The following SNX2 variants were observed in gnomAD, a reference collection of about 807,000 sequenced individuals.
SNX2 encodes the protein sorting nexin 2.
A neutral mutation model predicts 69.9 loss-of-function variants in SNX2; 25 were observed. That is an observed-to-expected ratio of 0.36 (90% CI 0.26 to 0.50). The LOEUF (loss-of-function observed/expected upper bound fraction) is 0.50. Ranked by LOEUF, SNX2 falls within the 20% of genes least tolerant of loss-of-function variation. SNX2 has a pLI of 0.97. For missense variants in SNX2, 551 were observed against 613.3 expected (o/e 0.90, Z 1.07); for synonymous variants, 229 against 200.4 (o/e 1.14, Z -1.20).
chr5:122,788,130 A>G (rs1390908324), intron 1 of SNX2, among the ~76,000 whole-genome samples: 1 of 152,192 alleles, frequency 6.6e-6, no homozygotes, highest in East Asian at 1.9e-4. Context: ...TTTCACCTTC[A>G]ATCCTGGAGG....
In SNX2 at chr5:122,831,822, T is replaced by G. The variant is rs1022479280; in HGVS notation, c.*2174T>G. ...AGATGTGGTACATTAGAATATTCAG[T>G]ACCTCCAAGTAAAATAATAAATATT... is the stretch of plus-strand genomic sequence containing the variant. On this transcript the variant is annotated 3_prime_UTR_variant, in exon 15 of 15. Coordinates refer to ENST00000379516, the MANE Select transcript of SNX2 (RefSeq NM_003100.4). Among the ~76,000 whole-genome samples, 18 of 152,214 alleles carry G rather than the reference T, an allele frequency of 1.2e-4. No individual in the cohort carries two copies. The highest frequency in any genetic ancestry group is 2.6e-4 in the Admixed American group (4 of 15,272).
intron 11 of SNX2, among the ~76,000 whole-genome samples, chr5:122,822,499 A>G (rs1754046721): frequency 1.3e-5 from 2 of 152,134 alleles, no homozygotes; most frequent in East Asian, 3.8e-4. Context: ...ATCCATATCG[A>G]GCGTACTTTT....
intron 7 of SNX2, among the ~76,000 whole-genome samples, chr5:122,811,858 T>TAAATAAAA (rs1159956658): frequency 1.2e-4 from 15 of 129,692 alleles, no homozygotes; most frequent in South Asian, 1.1e-3. Flanking sequence ...AATAAATAAA[T>TAAATAAAA]AAAATGTAGT....
chr5:122,820,817 T>G (rs1392516648), intron 11 of SNX2, among the ~76,000 whole-genome samples: 1 of 152,222 alleles, frequency 6.6e-6, no homozygotes, highest in Non-Finnish European at 1.5e-5. Context: ...GAATGCCTTT[T>G]AAAAGCTCAG....
intron 1 of SNX2, among the ~76,000 whole-genome samples, chr5:122,783,607 G>C (rs1306520623): frequency 6.6e-6 from 1 of 152,052 alleles, no homozygotes; most frequent in Non-Finnish European, 1.5e-5. Flanking sequence ...ATATATGTGG[G>C]TTGACCTATT....
intron 6 of SNX2, among the ~76,000 whole-genome samples, chr5:122,804,552 A>G (rs551346819): frequency 2.9e-4 from 44 of 151,958 alleles, no homozygotes; most frequent in Admixed American, 5.9e-4. Context: ...TATCCTTAGT[A>G]TAGACGGGGT....
At chr5:122,777,424 A>T (rs1752880162) in intron 1 of SNX2, among the ~76,000 whole-genome samples, 1 of 152,242 alleles carries the variant, frequency 6.6e-6, no homozygotes, top group Non-Finnish European at 1.5e-5. Flanking sequence ...ATAGATCATC[A>T]GGCTTGAATA....
chr5:122,815,823 A>G (rs113902330), intron 7 of SNX2, 73 bp from the exon 8 acceptor site: 35 of 778,382 alleles, frequency 4.5e-5, no homozygotes, highest in African/African-American at 3.0e-4. Flanking sequence ...TAGTATTTCT[A>G]TTTTTTTATC....
intron 10 of SNX2, among the ~76,000 whole-genome samples, chr5:122,817,694 A>G (rs1753930466): frequency 6.6e-6 from 1 of 152,160 alleles, no homozygotes; most frequent in Admixed American, 6.5e-5. Flanking sequence ...TTTGTTAAGT[A>G]TAGTTACAGT....
At position 122,830,746 on chromosome 5, in the gene SNX2, C is replaced by T. The variant is rs147876039; in HGVS notation, c.*1098C>T. ...AGTCATGGCTGGGTGTGGTGGCTCA[C>T]GCCTGTAATCCTAGCACTTTGGGAG... On this transcript the variant is annotated 3_prime_UTR_variant, in exon 15 of 15. Coordinates refer to ENST00000379516, the MANE Select transcript of SNX2 (RefSeq NM_003100.4). 2.5e-3 allele frequency among the ~76,000 whole-genome samples: 381 copies of T among 152,088 alleles called. 1 individual carries two copies. Among genetic ancestry groups the T allele is most frequent in the African/African-American group, 8.7e-3 (362 of 41,474 alleles).
intron 1 of SNX2, among the ~76,000 whole-genome samples, chr5:122,791,626 A>C (rs1325797517): frequency 2.6e-5 from 4 of 152,306 alleles, no homozygotes; most frequent in African/African-American, 9.6e-5. Flanking sequence ...CATGTTGGTC[A>C]GGCTGGTCTC....
intron 7 of SNX2, among the ~76,000 whole-genome samples, chr5:122,814,753 T>TTTTTTTTGTTTTTTTTG (rs1554063741): frequency 0.24 from 35,839 of 150,972 alleles, 4,770 homozygotes; most frequent in East Asian, 0.46. Context: ...GATAGCAGGT[T>TTTTTTTTGTTTTTTTTG]TTTTTTTGTT....
chr5:122,819,295 C>G lies in SNX2; in HGVS notation c.1212+272C>G, dbSNP rs551642749. On this transcript the variant is annotated intron_variant, in intron 11 of 14. Transcript: ENST00000379516. ...TGTATTTGCTTATACAAGTTTGGAA[C>G]TAACTAATAGCATTTGTTTGCTCGT... Among the ~76,000 whole-genome samples the G allele has an allele frequency of 1.2e-4, 18 of 152,294 alleles. 1 individual carries two copies. Among genetic ancestry groups the G allele is most frequent in the South Asian group, 4.1e-4 (2 of 4,834 alleles).
chr5:122,823,556 G>T (rs1294340589), intron 11 of SNX2, among the ~76,000 whole-genome samples: 1 of 152,146 alleles, frequency 6.6e-6, no homozygotes. Flanking sequence ...GAATTAAAGG[G>T]CATGTTCATT....
chr5:122,826,345 C>G (rs1180147188), intron 12 of SNX2, 152 bp downstream of exon 12: 2 of 658,768 alleles, frequency 3.0e-6, no homozygotes, highest in Non-Finnish European at 4.7e-6. Context: ...ACATTTTGAT[C>G]ATTATTATTA....
rs1298206053 is a variant in SNX2, at chr5:122,834,482, T to C, written c.*4834T>C. ...TTAAGAGAGTTGAGAAAAAATAAAG[T>C]TCTATTTTAAATTTATACATGTAAC... On this transcript the variant is annotated 3_prime_UTR_variant, in exon 15 of 15. Coordinates refer to ENST00000379516, the MANE Select transcript of SNX2 (RefSeq NM_003100.4). 1 of 152,196 alleles carries C rather than the reference T, an allele frequency of 6.6e-6. No homozygotes were observed. The highest frequency in any genetic ancestry group is 1.9e-4 in the East Asian group (1 of 5,202). 9.4% of individuals were successfully genotyped at this position (152,196 alleles called of 1,614,324 possible). A position where few individuals can be genotyped will look rare whatever the true frequency, so the allele number is the denominator to read the frequency against.
At chr5:122,825,986 C>T (rs1324699646) in intron 11 of SNX2, 64 bp from the exon 12 acceptor site, 1 of 1,425,256 alleles carries the variant, frequency 7.0e-7, no homozygotes, top group Non-Finnish European at 9.7e-7. Context: ...TATAACACTT[C>T]TAGTGTTAAG....
intron 1 of SNX2, among the ~76,000 whole-genome samples, chr5:122,786,264 C>T (rs1188038555): frequency 6.6e-6 from 1 of 151,938 alleles, no homozygotes; most frequent in Non-Finnish European, 1.5e-5. Context: ...TTTTTTTAGG[C>T]AACATGTGTG....
In SNX2 at chr5:122,801,809, T is replaced by G. The variant is rs558156619; in HGVS notation, c.391-60T>G. On this transcript the variant is annotated intron_variant, in intron 3 of 14. Coordinates refer to ENST00000379516, the MANE Select transcript of SNX2 (RefSeq NM_003100.4). ...ACAGAAAATAGATGATAAAAATTAGTGTCATGACAATAATTTAAATTATAA... is the reference window on the plus strand; with the variant it reads ...ACAGAAAATAGATGATAAAAATTAGGGTCATGACAATAATTTAAATTATAA... 3.9e-6 allele frequency: 4 copies of G among 1,025,494 alleles called. No homozygotes were observed. In the African/African-American group the frequency reaches 4.9e-5, roughly 13 times the overall value. 63.5% of individuals were successfully genotyped at this position (1,025,494 alleles called of 1,614,324 possible). A position where few individuals can be genotyped will look rare whatever the true frequency, so the allele number is the denominator to read the frequency against.
Sources: allele counts gnomAD v4.1 joint callset (sites outside exome capture counted in the v4.1 genomes callset), GRCh38; gene constraint gnomAD v4.1.1; transcripts MANE v1.5; gene names NCBI Gene and HGNC (gene_info 2026-07-23, HGNC 2026-07-21).